The following CPNE5 variants were observed in gnomAD, a reference collection of about 807,000 sequenced individuals.
CPNE5 encodes the protein copine 5.
A neutral mutation model predicts 81.1 loss-of-function variants in CPNE5; 42 were observed. That is an observed-to-expected ratio of 0.52 (90% CI 0.40 to 0.67). The LOEUF (loss-of-function observed/expected upper bound fraction) is 0.67. CPNE5 is among the 30% of genes least tolerant of loss of function. The pLI, the probability that CPNE5 is intolerant of heterozygous loss-of-function variation, is 0.00. For missense variants in CPNE5, 612 were observed against 815.5 expected (o/e 0.75, Z 3.04); for synonymous variants, 313 against 321.5 (o/e 0.97, Z 0.28).
chr6:36,794,163 G>A (rs1024212679), intron 7 of CPNE5, among the ~76,000 whole-genome samples: 3 of 151,222 alleles, frequency 2.0e-5, no homozygotes, highest in Non-Finnish European at 4.4e-5. Context: ...CCAAAACAAG[G>A]GAGGGGAACA....
In CPNE5 at chr6:36,794,640, T is replaced by C; in HGVS notation, c.414A>G (p.Ala138=). ...SRLEKPLTIG[A]FSLNSRTGKP... The stretch of plus-strand genomic sequence containing the variant: ...TGCCCGTCCTGGAATTCAGGCTGAA[T>C]GCGCCTATCCTGTGGAGAGAGAGGG... The change falls in exon 7 of 21, where the codon GCA becomes GCG. Residue 138 remains alanine, a synonymous_variant. Coordinates refer to ENST00000244751, the MANE Select transcript of CPNE5 (RefSeq NM_020939.2). 1.2e-6 allele frequency: 2 copies of C among 1,613,872 alleles called. No individual in the cohort carries two copies. Among genetic ancestry groups the C allele is most frequent in the Non-Finnish European group, 1.7e-6 (2 of 1,179,926 alleles).
upstream of CPNE5, chr6:36,839,473 A>C: frequency 9.5e-7 from 1 of 1,047,210 alleles, no homozygotes; most frequent in African/African-American, 1.6e-5. This position sits in a 1 kb window ranked among gnomAD's most constrained non-coding sequence, Gnocchi z 7.3. Flanking sequence ...CCAACTCCAG[A>C]GCCTGGGCTG....
In CPNE5 at chr6:36,746,650, G is replaced by A; in HGVS notation, c.1019-73C>T. 1 of 1,345,364 alleles carries A rather than the reference G, an allele frequency of 7.4e-7. No individual in the cohort carries two copies. The highest frequency in any genetic ancestry group is 1.3e-5 in the South Asian group (1 of 75,574). The allele number at this position is 1,345,364 out of a possible 1,614,324, so 83.3% of individuals were successfully genotyped here. ...CACCCCGGGTTCAGAATGAAGAAGG[G>A]GGTGTCCAAGGGCACCCCTAACTTT... On this transcript the variant is annotated intron_variant, in intron 15 of 20. Coordinates refer to ENST00000244751, the MANE Select transcript of CPNE5 (RefSeq NM_020939.2). The surrounding 1 kb of genome is among the most constrained non-coding windows in gnomAD (Gnocchi z 4.5).
chr6:36,817,496 A>G (rs1771652446), intron 3 of CPNE5, among the ~76,000 whole-genome samples: 1 of 151,316 alleles, frequency 6.6e-6, no homozygotes, highest in African/African-American at 2.4e-5. Flanking sequence ...TGACATTCTC[A>G]CTCTACAACT....
At position 36,743,700 on chromosome 6, in the gene CPNE5, C is replaced by T. The variant is rs759542006; in HGVS notation, c.1552G>A (p.Asp518Asn). 8.1e-6 allele frequency: 13 copies of T among 1,613,482 alleles called. No homozygotes were observed. The highest frequency in any genetic ancestry group is 1.7e-5 in the Admixed American group (1 of 60,032). The change falls in exon 20 of 21, where the codon GAC becomes AAC. Residue 518 changes from aspartate to asparagine, a missense_variant. Asp to Asn is a conservative substitution (Grantham distance 23, BLOSUM62 1). Coordinates refer to ENST00000244751, the MANE Select transcript of CPNE5 (RefSeq NM_020939.2). ...GGCCTGGGCTTCACCTGGACGATGT[C>T]GCGTTCAGCCAGCTTCCCCCGGGAG... ...ISSRGKLAER[D>N]IVQFVPFRDY...
chr6:36,775,110 A>T lies in CPNE5; in HGVS notation c.633-45T>A. 2.7e-6 allele frequency: 4 copies of T among 1,473,216 alleles called. No individual in the cohort carries two copies. In the South Asian group the frequency reaches 4.6e-5, roughly 17 times the overall value. The allele number at this position is 1,473,216 out of a possible 1,614,324, so 91.3% of individuals were successfully genotyped here. A position where few individuals can be genotyped will look rare whatever the true frequency, so the allele number is the denominator to read the frequency against. ...GGAAAGGCTGTCAGGCCCAAACCCA[A>T]GGGAGGCGAATGCAGGTCAACAGAG... On this transcript the variant is annotated intron_variant, in intron 9 of 20. Coordinates refer to ENST00000244751, the MANE Select transcript of CPNE5 (RefSeq NM_020939.2).
intron 3 of CPNE5, among the ~76,000 whole-genome samples, chr6:36,814,493 G>C (rs542658461): frequency 3.9e-5 from 6 of 152,196 alleles, no homozygotes; most frequent in Non-Finnish European, 8.8e-5. Context: ...AACTCATGGA[G>C]AAAGACACAG....
At chr6:36,795,459 G>A (rs1477134932) in intron 6 of CPNE5, among the ~76,000 whole-genome samples, 1 of 152,154 alleles carries the variant, frequency 6.6e-6, no homozygotes, top group Admixed American at 6.5e-5. Flanking sequence ...GATTACAGGC[G>A]TGAGCCACCA....
chr6:36,758,258 G>A (rs1319556854), intron 12 of CPNE5, among the ~76,000 whole-genome samples: 1 of 152,166 alleles, frequency 6.6e-6, no homozygotes, highest in East Asian at 1.9e-4. Context: ...AGTTTGGAAT[G>A]TAGTAAGTAT....
intron 8 of CPNE5, among the ~76,000 whole-genome samples, chr6:36,787,882 G>A (rs1768710752): frequency 6.6e-6 from 1 of 152,076 alleles, no homozygotes; most frequent in Admixed American, 6.5e-5. Flanking sequence ...ACTAGGAGGT[G>A]GTAAAGACGT....
In CPNE5 at chr6:36,777,444, C is replaced by T. The variant is rs139536850; in HGVS notation, c.632+1410G>A. Among the ~76,000 whole-genome samples, 5 of 152,238 alleles carry T rather than the reference C, an allele frequency of 3.3e-5. No individual in the cohort carries two copies. In the East Asian group the frequency reaches 5.8e-4, roughly 18 times the overall value. On this transcript the variant is annotated intron_variant, in intron 9 of 20. Transcript: ENST00000244751. ...TGCACCCCTCTCCTGCTCCCAAATC[C>T]CTCTCCTCCTCCCAGCCGGCCCCAG... is the stretch of plus-strand genomic sequence containing the variant.
At chr6:36,829,812 CAAAA>C (rs35015008) in intron 1 of CPNE5, among the ~76,000 whole-genome samples, 21 of 66,954 alleles carry the variant, frequency 3.1e-4, no homozygotes, top group South Asian at 8.0e-4. Flanking sequence ...GGCTCCATCT[CAAAA>C]AAAAAAAAAA....
rs1035000538 is a variant in CPNE5 at position 36,792,459 on chromosome 6, G to T, written c.465-363C>A. The T allele has an allele frequency of 1.0e-5, 13 of 1,259,090 alleles. No homozygotes were observed. In the Admixed American group the frequency reaches 2.9e-4, roughly 28 times the overall value. 78.0% of individuals were successfully genotyped at this position (1,259,090 alleles called of 1,614,324 possible). A position where few individuals can be genotyped will look rare whatever the true frequency, so the allele number is the denominator to read the frequency against. On this transcript the variant is annotated intron_variant, in intron 7 of 20. Coordinates refer to ENST00000244751, the MANE Select transcript of CPNE5 (RefSeq NM_020939.2). ...CCAAAGACCACTTCTGTGGGCAAAA[G>T]ACCTCATGGGCTAGCCACCCCACCT...
intron 10 of CPNE5, among the ~76,000 whole-genome samples, chr6:36,769,183 T>C (rs1482272588): frequency 1.3e-5 from 2 of 152,348 alleles, no homozygotes; most frequent in East Asian, 3.9e-4. Context: ...TATACATATT[T>C]GTTGGCTGAC....
At chr6:36,792,298 G>T (rs1769172232) in intron 7 of CPNE5, 2 of 1,501,328 alleles carry the variant, frequency 1.3e-6, no homozygotes, top group East Asian at 4.9e-5. Flanking sequence ...CCGGGTCCCC[G>T]AGCCTGGAGC....
intron 13 of CPNE5, chr6:36,755,914 T>C (rs1582750336): frequency 2.5e-6 from 1 of 393,250 alleles, no homozygotes; most frequent in East Asian, 5.0e-5. Flanking sequence ...GGCAACAACC[T>C]GTGAAAAGCA....
Position 36,747,131 on chromosome 6 carries a change from C to T in CPNE5, c.1019-554G>A, listed in dbSNP as rs368289753. 7.2e-5 allele frequency among the ~76,000 whole-genome samples: 11 copies of T among 152,186 alleles called. No individual in the cohort carries two copies. The East Asian group carries it at 9.6e-4, about 13-fold the overall frequency. ...TTCCCCAGATGTCCACTCCCTGGCC[C>T]GCTCCCTGGCCTCTTCAGGTCTCTG... On this transcript the variant is annotated intron_variant, in intron 15 of 20. Coordinates refer to ENST00000244751, the MANE Select transcript of CPNE5 (RefSeq NM_020939.2).
chr6:36,743,462 G>A (rs545076149), intron 20 of CPNE5, among the ~76,000 whole-genome samples: 9 of 152,312 alleles, frequency 5.9e-5, no homozygotes, highest in Admixed American at 2.0e-4. Flanking sequence ...CTGGGCACCC[G>A]CAATGTTAGG....
chr6:36,834,706 A>G (rs960860674), intron 1 of CPNE5, among the ~76,000 whole-genome samples: 1 of 152,056 alleles, frequency 6.6e-6, no homozygotes, highest in Non-Finnish European at 1.5e-5. Context: ...TCAGCCTAAT[A>G]TGATGTAAAG....
Sources: gnomAD v4.1 joint callset for allele counts (sites outside exome capture counted in the v4.1 genomes callset) on GRCh38, gnomAD v4.1.1 for gene constraint, Gnocchi (gnomAD v3.1) non-coding constraint, MANE v1.5 for transcripts, NCBI Gene and HGNC (gene_info 2026-07-23, HGNC 2026-07-21) for gene names.